The following FOXN3 variants were observed in gnomAD, a reference collection of about 807,000 sequenced individuals.
FOXN3 encodes forkhead box protein N3.
In FOXN3, 7 loss-of-function variants were observed where a neutral mutation model predicts 38.4. The ratio of observed to expected loss-of-function variants is 0.18; its 90% CI spans 0.10 to 0.34. The LOEUF (loss-of-function observed/expected upper bound fraction) is 0.34, where lower values mean the gene tolerates loss of function less well. Ranked by LOEUF, FOXN3 falls within the 10% of genes least tolerant of loss-of-function variation. The pLI, the probability that FOXN3 is intolerant of heterozygous loss-of-function variation, is 1.00. For missense variants in FOXN3, 456 were observed against 613.4 expected (o/e 0.74, Z 2.71); for synonymous variants, 230 against 242.2 (o/e 0.95, Z 0.47).
intron 1 of FOXN3, among the ~76,000 whole-genome samples, chr14:89,474,842 G>A (rs148252382): frequency 1.1e-4 from 17 of 152,036 alleles, no homozygotes; most frequent in African/African-American, 3.1e-4. Context: ...TTGAGATGCC[G>A]TCTTGCTCTA....
At chr14:89,370,451 T>C (rs910695666) in intron 2 of FOXN3, among the ~76,000 whole-genome samples, 17 of 152,198 alleles carry the variant, frequency 1.1e-4, no homozygotes, top group Admixed American at 8.5e-4. Context: ...TTGGGATGGT[T>C]CAGAGGGTTC....
At chr14:89,604,494 G>A (rs1267893170) in intron 1 of FOXN3, among the ~76,000 whole-genome samples, 1 of 152,170 alleles carries the variant, frequency 6.6e-6, no homozygotes, top group Non-Finnish European at 1.5e-5. Context: ...TATCTAGACT[G>A]CAGCACATAG....
At chr14:89,605,779 CTA>C (rs1464329412) in intron 1 of FOXN3, among the ~76,000 whole-genome samples, 3 of 151,914 alleles carry the variant, frequency 2.0e-5, no homozygotes, top group Admixed American at 6.6e-5. Context: ...GTTTTATACT[CTA>C]TTAAACACAA....
At chr14:89,493,050 A>G (rs1893613928) in intron 1 of FOXN3, among the ~76,000 whole-genome samples, 1 of 152,230 alleles carries the variant, frequency 6.6e-6, no homozygotes, top group African/African-American at 2.4e-5. Flanking sequence ...CCCTGTGCAC[A>G]TAAAAAAATA....
At chr14:89,194,531 G>A (rs974886363) in intron 4 of FOXN3, among the ~76,000 whole-genome samples, 3 of 152,002 alleles carry the variant, frequency 2.0e-5, no homozygotes, top group East Asian at 1.9e-4. Flanking sequence ...CTGCTAGAAC[G>A]TCTCATATGC....
chr14:89,581,397 A>C (rs1300375867), intron 1 of FOXN3, among the ~76,000 whole-genome samples: 1 of 151,812 alleles, frequency 6.6e-6, no homozygotes, highest in Non-Finnish European at 1.5e-5. Context: ...CAGGAGAATC[A>C]CTTGAACCCA....
chr14:89,606,149 G>T (rs1236385474), intron 1 of FOXN3, among the ~76,000 whole-genome samples: 2 of 152,062 alleles, frequency 1.3e-5, no homozygotes, highest in Non-Finnish European at 2.9e-5. Flanking sequence ...TGTTAAAACC[G>T]AGATGAAGTC....
intron 2 of FOXN3, among the ~76,000 whole-genome samples, chr14:89,390,182 T>C (rs1275615554): frequency 2.7e-5 from 4 of 150,472 alleles, no homozygotes; most frequent in Non-Finnish European, 5.9e-5. Flanking sequence ...GCCAAGGTCA[T>C]GCCACTGCAC....
intron 1 of FOXN3, among the ~76,000 whole-genome samples, chr14:89,596,920 G>A (rs768961348): frequency 1.4e-4 from 21 of 151,790 alleles, no homozygotes; most frequent in South Asian, 4.1e-4. Context: ...AGGATTCATT[G>A]ATTTTATTAG....
chr14:89,533,327 T>G (rs1894612561), intron 1 of FOXN3, among the ~76,000 whole-genome samples: 1 of 152,084 alleles, frequency 6.6e-6, no homozygotes, highest in East Asian at 1.9e-4. Flanking sequence ...AAAAGCGCAA[T>G]CCAGGGGCCA....
At chr14:89,297,366 T>C (rs1212742742) in intron 3 of FOXN3, among the ~76,000 whole-genome samples, 1 of 151,728 alleles carries the variant, frequency 6.6e-6, no homozygotes, top group Admixed American at 6.6e-5. Context: ...ATCGAGACCA[T>C]CCTGGCTAAC....
intron 1 of FOXN3, among the ~76,000 whole-genome samples, chr14:89,511,242 CTTTCTTTT>C (rs1566681219): frequency 0.011 from 200 of 17,632 alleles, 66 homozygotes; most frequent in Non-Finnish European, 0.029. Context: ...CTTTCCTTTT[CTTTCTTTT>C]CTTTCTTTCT....
At chr14:89,276,688 A>T (rs2139911478) in intron 4 of FOXN3, among the ~76,000 whole-genome samples, 1 of 152,340 alleles carries the variant, frequency 6.6e-6, no homozygotes, top group Admixed American at 6.5e-5. Context: ...ACACACAGAG[A>T]TGTACCATCA....
chr14:89,409,528 T>C (rs1371745969), intron 2 of FOXN3: 1 of 152,382 alleles, frequency 6.6e-6, no homozygotes, highest in East Asian at 1.9e-4. Flanking sequence ...ATTACTTCTA[T>C]GTGCACCGGC....
chr14:89,371,308 G>C (rs557884700), intron 2 of FOXN3, among the ~76,000 whole-genome samples: 1 of 152,280 alleles, frequency 6.6e-6, no homozygotes, highest in East Asian at 1.9e-4. Flanking sequence ...TGATGGGAAA[G>C]TAACTATCAA....
intron 3 of FOXN3, among the ~76,000 whole-genome samples, chr14:89,309,946 T>G (rs556757627): frequency 1.3e-5 from 2 of 152,312 alleles, no homozygotes; most frequent in South Asian, 4.1e-4. Flanking sequence ...CAGGTCTGTA[T>G]CTAAGCCTGA....
intron 2 of FOXN3, among the ~76,000 whole-genome samples, chr14:89,394,098 G>A (rs1891035777): frequency 6.6e-6 from 1 of 151,784 alleles, no homozygotes; most frequent in Non-Finnish European, 1.5e-5. Flanking sequence ...CTTTTATAAG[G>A]AACCCACTCC....
intron 1 of FOXN3, among the ~76,000 whole-genome samples, chr14:89,498,874 C>A (rs1893741579): frequency 6.6e-6 from 1 of 152,038 alleles, no homozygotes; most frequent in Non-Finnish European, 1.5e-5. Context: ...ACTCACAAGT[C>A]AATGATTGGA....
At chr14:89,240,680 G>A (rs569975653) in intron 4 of FOXN3, among the ~76,000 whole-genome samples, 1 of 152,244 alleles carries the variant, frequency 6.6e-6, no homozygotes, top group Non-Finnish European at 1.5e-5. Flanking sequence ...GAGGAAACTG[G>A]TCATCGTGGT....
Sources: gnomAD v4.1 joint callset for allele counts (sites outside exome capture counted in the v4.1 genomes callset) on GRCh38, gnomAD v4.1.1 for gene constraint, MANE v1.5 for transcripts, NCBI Gene and HGNC (gene_info 2026-07-23, HGNC 2026-07-21) for gene names.